The following NELFCD variants were observed in gnomAD, a reference collection of about 807,000 sequenced individuals.
NELFCD encodes the protein negative elongation factor complex member C/D.
Under a neutral mutation model 72.9 loss-of-function variants are expected in NELFCD, and 48 were observed. The ratio of observed to expected loss-of-function variants is 0.66; its 90% CI spans 0.52 to 0.84. NELFCD has a LOEUF of 0.84. Among genes scored for constraint, NELFCD ranks in the 40% least tolerant of loss-of-function variants. The probability of loss-of-function intolerance (pLI) is 0.00; values close to 1 mark genes in which losing one functional copy is unlikely to be tolerated. For synonymous variants in NELFCD, 297 were observed against 280.6 expected (o/e 1.06, Z -0.59); for missense variants, 538 against 723.8 (o/e 0.74, Z 2.94).
intron 7 of NELFCD, chr20:58,990,687 T>A: frequency 2.2e-6 from 1 of 463,310 alleles, no homozygotes; most frequent in East Asian, 3.3e-5. Context: ...ACCAATAGAG[T>A]GTTCCTAAGT....
At position 58,986,469 on chromosome 20, in the gene NELFCD, G is replaced by T; in HGVS notation, c.176+261G>T. On this transcript the variant is annotated intron_variant, in intron 2 of 14. Coordinates refer to ENST00000652272, the MANE Select transcript of NELFCD (RefSeq NM_198976.4). This position sits in a 1 kb window ranked among gnomAD's most constrained non-coding sequence, Gnocchi z 4.4. ...CAGTTCTCCCACCTCAGCCTTGCAA[G>T]GTGGCCACCACAGGCGTCTGCCATC... The T allele has an allele frequency of 1.8e-6, 1 of 557,028 alleles. No homozygotes were observed. Among genetic ancestry groups the T allele is most frequent in the East Asian group, 3.1e-5 (1 of 31,812 alleles). The allele number at this position is 557,028 out of a possible 1,614,324, so 34.5% of individuals were successfully genotyped here.
In NELFCD at chr20:58,986,725, G is replaced by A; in HGVS notation, c.177-29G>A. 1 of 1,318,910 alleles carries A rather than the reference G, an allele frequency of 7.6e-7. No homozygotes were observed. Among genetic ancestry groups the A allele is most frequent in the Non-Finnish European group, 1.1e-6 (1 of 910,514 alleles). The allele number at this position is 1,318,910 out of a possible 1,614,324, so 81.7% of individuals were successfully genotyped here. A position where few individuals can be genotyped will look rare whatever the true frequency, so the allele number is the denominator to read the frequency against. ...TGTTGTCCATCATTCCATTCATTCG[G>A]GTGTAATTGCTGTTGTTACTTTCCC... is the stretch of plus-strand genomic sequence containing the variant. On this transcript the variant is annotated intron_variant, in intron 2 of 14. Transcript: ENST00000652272. This position sits in a 1 kb window ranked among gnomAD's most constrained non-coding sequence, Gnocchi z 4.4.
chr20:58,981,375 G>A lies in NELFCD; in HGVS notation c.60+6G>A. ...ACGAGGCTGACGGCGGCCAGGTGAG[G>A]CGGGGCACTGGGCGCACCCTAGAGA... On this transcript the variant is annotated splice_donor_region_variant and intron_variant, in intron 1 of 14. Transcript: ENST00000652272. The A allele has an allele frequency of 9.2e-7, 1 of 1,083,760 alleles. No individual in the cohort carries two copies. Among genetic ancestry groups the A allele is most frequent in the Non-Finnish European group, 1.1e-6 (1 of 887,288 alleles). 67.1% of individuals were successfully genotyped at this position (1,083,760 alleles called of 1,614,324 possible).
rs577873140 is a variant in NELFCD, at chr20:58,986,364, A to T, written c.176+156A>T. 3,279 of 541,102 alleles carry T rather than the reference A, an allele frequency of 6.1e-3. 46 individuals carry two copies. The highest frequency in any genetic ancestry group is 0.042 in the African/African-American group (2,025 of 48,546). 33.5% of individuals were successfully genotyped at this position (541,102 alleles called of 1,614,324 possible). On this transcript the variant is annotated intron_variant, in intron 2 of 14. Coordinates refer to ENST00000652272, the MANE Select transcript of NELFCD (RefSeq NM_198976.4). The surrounding 1 kb of genome is among the most constrained non-coding windows in gnomAD (Gnocchi z 4.4). ...CCTCTGCCACTTTTTTTTTTTTTTT[A>T]AATTTTTTTAAGACAGAGTCTTGCT... is the stretch of plus-strand genomic sequence containing the variant.
Position 58,994,106 on chromosome 20 carries a change from G to T in NELFCD, c.1582-4G>T. ...AAGAAGTCACCCTGTGCTCCCCCAC[G>T]CAGGTGCTGGACGTCATTGCTCCTC... On this transcript the variant is annotated splice_region_variant and splice_polypyrimidine_tract_variant and intron_variant, in intron 13 of 14. Transcript: ENST00000652272. The T allele has an allele frequency of 6.2e-7, 1 of 1,614,000 alleles. No homozygotes were observed. The highest frequency in any genetic ancestry group is 8.5e-7 in the Non-Finnish European group (1 of 1,179,902).
At position 58,993,813 on chromosome 20, in the gene NELFCD, C is replaced by T. The variant is rs919660746; in HGVS notation, c.1581+49C>T. 1 of 1,593,328 alleles carries T rather than the reference C, an allele frequency of 6.3e-7. No homozygotes were observed. The highest frequency in any genetic ancestry group is 8.6e-7 in the Non-Finnish European group (1 of 1,165,964). ...ATGTTTCATACTGTTTACACTAGCA[C>T]TGCCCTTTTTGGCTTAATTTAGTTC... On this transcript the variant is annotated intron_variant, in intron 13 of 14. Transcript: ENST00000652272. The surrounding 1 kb of genome is among the most constrained non-coding windows in gnomAD (Gnocchi z 5.0).
Position 58,986,545 on chromosome 20 carries a change from G to A in NELFCD, c.177-209G>A, listed in dbSNP as rs533216887. 9 of 578,720 alleles carry A rather than the reference G, an allele frequency of 1.6e-5. No homozygotes were observed. The highest frequency in any genetic ancestry group is 3.1e-5 in the East Asian group (1 of 32,490). The allele number at this position is 578,720 out of a possible 1,614,324, so 35.8% of individuals were successfully genotyped here. On this transcript the variant is annotated intron_variant, in intron 2 of 14. Transcript: ENST00000652272. The surrounding 1 kb of genome is among the most constrained non-coding windows in gnomAD (Gnocchi z 4.4). ...TTTTGGGAGAGACAGGGCTCCTTAC[G>A]TTGCCCTGGCTGCTCTTGAACTCCT...
rs1428012757 is a variant in NELFCD, at chr20:58,990,089, T to G, written c.788+101T>G. On this transcript the variant is annotated intron_variant, in intron 7 of 14. Coordinates refer to ENST00000652272, the MANE Select transcript of NELFCD (RefSeq NM_198976.4). Reference sequence around the variant, plus strand: ...CAGCCAAAGCTGCTAGCTCCTTCTGTTCAACGTAGAGGTAAACTTGCTTTT... The same window carrying G: ...CAGCCAAAGCTGCTAGCTCCTTCTGGTCAACGTAGAGGTAAACTTGCTTTT... 3.4e-6 allele frequency: 5 copies of G among 1,486,340 alleles called. No individual in the cohort carries two copies. The African/African-American group carries it at 6.9e-5, about 21-fold the overall frequency. 92.1% of individuals were successfully genotyped at this position (1,486,340 alleles called of 1,614,324 possible). A position where few individuals can be genotyped will look rare whatever the true frequency, so the allele number is the denominator to read the frequency against.
In NELFCD at chr20:58,993,976, T is replaced by C; in HGVS notation, c.1582-134T>C. ...CATTACCACCCTGGGCATCTGAATG[T>C]TGGAGATGGGTGGTGTCACCGGCCG... On this transcript the variant is annotated intron_variant, in intron 13 of 14. Transcript: ENST00000652272. The surrounding 1 kb of genome is among the most constrained non-coding windows in gnomAD (Gnocchi z 5.0). 1.7e-6 allele frequency: 2 copies of C among 1,169,462 alleles called. No individual in the cohort carries two copies. Among genetic ancestry groups the C allele is most frequent in the Non-Finnish European group, 1.2e-6 (1 of 812,772 alleles). The allele number at this position is 1,169,462 out of a possible 1,614,324, so 72.4% of individuals were successfully genotyped here.
chr20:58,993,372 C>T lies in NELFCD; in HGVS notation c.1345-77C>T. 1 of 1,387,368 alleles carries T rather than the reference C, an allele frequency of 7.2e-7. No individual in the cohort carries two copies. Among genetic ancestry groups the T allele is most frequent in the Non-Finnish European group, 1.0e-6 (1 of 992,390 alleles). The allele number at this position is 1,387,368 out of a possible 1,614,324, so 85.9% of individuals were successfully genotyped here. Reference sequence around the variant, plus strand: ...TCCACAGTGATAAGCTCTTTGGTGGCTGTGACAGTGCCCAGTTTCTCTGTG... The same window carrying T: ...TCCACAGTGATAAGCTCTTTGGTGGTTGTGACAGTGCCCAGTTTCTCTGTG... On this transcript the variant is annotated intron_variant, in intron 11 of 14. Coordinates refer to ENST00000652272, the MANE Select transcript of NELFCD (RefSeq NM_198976.4). The surrounding 1 kb of genome is among the most constrained non-coding windows in gnomAD (Gnocchi z 5.0).
chr20:58,991,595 C>G (rs1780122304), intron 9 of NELFCD, 149 bp downstream of exon 9: 5 of 898,294 alleles, frequency 5.6e-6, no homozygotes, highest in Non-Finnish European at 8.3e-6. Flanking sequence ...AGAGAAAGCA[C>G]TAAACGTCTC....
At chr20:58,988,336 C>T (rs180789278) in intron 4 of NELFCD, among the ~76,000 whole-genome samples, 13 of 152,312 alleles carry the variant, frequency 8.5e-5, no homozygotes, top group Admixed American at 7.8e-4. Flanking sequence ...AGTGGGGAAT[C>T]TTTAAGCCAC....
At chr20:58,991,739 C>A in intron 9 of NELFCD, 142 bp from the exon 10 acceptor site, 1 of 943,920 alleles carries the variant, frequency 1.1e-6, no homozygotes, top group Non-Finnish European at 1.6e-6. Context: ...CACTGTGTGA[C>A]TGTGAAGTTT....
At chr20:58,983,924 C>T (rs534603549) in intron 1 of NELFCD, among the ~76,000 whole-genome samples, 11 of 152,176 alleles carry the variant, frequency 7.2e-5, no homozygotes, top group African/African-American at 2.4e-4. Flanking sequence ...CCCACTGACA[C>T]CAGTGGGCTC....
At chr20:58,989,444 G>A (rs375403961) in intron 5 of NELFCD, 44 bp from the exon 6 acceptor site, 11 of 1,604,096 alleles carry the variant, frequency 6.9e-6, no homozygotes, top group African/African-American at 4.0e-5. Flanking sequence ...GTGGAGGTGC[G>A]GTCACTGCAT....
chr20:58,982,770 G>A (rs530747274), intron 1 of NELFCD, among the ~76,000 whole-genome samples: 1 of 152,198 alleles, frequency 6.6e-6, no homozygotes, highest in Non-Finnish European at 1.5e-5. Flanking sequence ...AGTGACACGA[G>A]TAGATTTGCA....
chr20:58,994,608 G>A (rs756235497), intron 14 of NELFCD, 34 bp from the exon 15 acceptor site: 2 of 1,453,334 alleles, frequency 1.4e-6, no homozygotes, highest in South Asian at 2.4e-5. Flanking sequence ...TCTACTTCCT[G>A]TTTCTAACAC....
intron 8 of NELFCD, 85 bp from the exon 9 acceptor site, chr20:58,991,227 C>G: frequency 1.3e-6 from 2 of 1,591,772 alleles, no homozygotes; most frequent in Non-Finnish European, 1.7e-6. Context: ...TGTTGGGCCC[C>G]TGCTGTGTAG....
Position 58,988,946 on chromosome 20 carries a change from T to A in NELFCD, c.429T>A (p.His143Gln). 6.2e-7 allele frequency: 1 copy of A among 1,614,184 alleles called. No individual in the cohort carries two copies. The highest frequency in any genetic ancestry group is 8.5e-7 in the Non-Finnish European group (1 of 1,180,012). Residue 143 changes from histidine to glutamine, a missense_variant, in exon 5 of 15, where the codon CAT becomes CAA. Coordinates refer to ENST00000652272, the MANE Select transcript of NELFCD (RefSeq NM_198976.4). ...CGTGGCTGGAACAGATGATTGCACA[T>A]ACCACGTGGCGGGACCTTTTTTATA... is the stretch of plus-strand genomic sequence containing the variant. The part of the protein sequence containing the change: ...TPAWLEQMIA[H>Q]TTWRDLFYKL...
Sources: gnomAD v4.1 joint callset for allele counts (sites outside exome capture counted in the v4.1 genomes callset) on GRCh38, gnomAD v4.1.1 for gene constraint, Gnocchi (gnomAD v3.1) non-coding constraint, MANE v1.5 for transcripts, NCBI Gene and HGNC (gene_info 2026-07-23, HGNC 2026-07-21) for gene names.